BIN1: variants seen among roughly 807,000 people sequenced by gnomAD.
BIN1 encodes the protein myc box-dependent-interacting protein 1.
BIN1 carries 53 observed loss-of-function variants against 82.0 expected under a neutral mutation model. The observed-to-expected ratio is 0.65, with a 90% CI of 0.52 to 0.81. The LOEUF (loss-of-function observed/expected upper bound fraction) is 0.81. Ranked by LOEUF, BIN1 falls within the 40% of genes least tolerant of loss-of-function variation. BIN1 has a pLI of 0.00. For synonymous variants in BIN1, 302 were observed against 328.0 expected, an observed-to-expected ratio of 0.92 and a Z score of 0.86; for missense variants, 642 against 784.4, an observed-to-expected ratio of 0.82 and a Z score of 2.17.
intron 8 of BIN1, 115 bp from the exon 9 acceptor site, chr2:127,063,761 G>T: frequency 7.1e-7 from 1 of 1,406,354 alleles, no homozygotes; most frequent in Non-Finnish European, 9.9e-7. Flanking sequence ...ACCAGAGAGG[G>T]CCCAGGCACC....
At chr2:127,072,665 T>C (rs1387623837) in intron 2 of BIN1, among the ~76,000 whole-genome samples, 1 of 149,678 alleles carries the variant, frequency 6.7e-6, no homozygotes, top group Admixed American at 6.6e-5. Flanking sequence ...CCCCATAGAG[T>C]AGGGTGTATA....
At chr2:127,053,368 A>G (rs1683212520) in intron 14 of BIN1, 54 bp downstream of exon 14, 1 of 1,609,888 alleles carries the variant, frequency 6.2e-7, no homozygotes, top group Non-Finnish European at 8.5e-7. Context: ...GCCTGGACAC[A>G]TACGGAAGAG....
At chr2:127,072,193 C>G (rs1029935402) in intron 2 of BIN1, among the ~76,000 whole-genome samples, 1 of 152,246 alleles carries the variant, frequency 6.6e-6, no homozygotes, top group African/African-American at 2.4e-5. Flanking sequence ...TCAGGTCCAC[C>G]TCCAGGTGAA....
chr2:127,052,102 C>T (rs1256943596), intron 15 of BIN1, among the ~76,000 whole-genome samples, 153 bp downstream of exon 15: 1 of 152,220 alleles, frequency 6.6e-6, no homozygotes. Flanking sequence ...GGTGACAAGC[C>T]CGTGCTGGGG....
At chr2:127,054,489 C>T in intron 12 of BIN1, 1 of 174,122 alleles carries the variant, frequency 5.7e-6, no homozygotes, top group East Asian at 1.6e-4. Flanking sequence ...CCTCAGTGCT[C>T]CCGACTGGGA....
Position 127,048,268 on chromosome 2 carries a change from A to C in BIN1, c.*258T>G, listed in dbSNP as rs1416525401. ...CCTGCGGCCAGGCACACATGCGGGC[A>C]CAGGCAGGGGCGCCAGAAACTCAAC... On this transcript the variant is annotated 3_prime_UTR_variant, in exon 19 of 19. Coordinates refer to ENST00000316724, the MANE Select transcript of BIN1 (RefSeq NM_139343.3). 4 of 480,806 alleles carry C rather than the reference A, an allele frequency of 8.3e-6. No homozygotes were observed. In the East Asian group the frequency reaches 1.6e-4, roughly 19 times the overall value. 29.8% of individuals were successfully genotyped at this position (480,806 alleles called of 1,614,324 possible).
At chr2:127,072,795 G>T (rs1426246078) in intron 2 of BIN1, among the ~76,000 whole-genome samples, 2 of 152,146 alleles carry the variant, frequency 1.3e-5, no homozygotes, top group African/African-American at 4.8e-5. Flanking sequence ...TCCATCAGGG[G>T]GTCGGATGGA....
rs775119768 is a variant in BIN1, at chr2:127,048,581, T to A, written c.1727A>T (p.Glu576Val). The change falls in exon 19 of 19, where the codon GAG (glutamate) becomes GTG (valine). Residue 576 changes from glutamate (E) to valine (V), a missense_variant. Transcript: ENST00000316724. ...VKESDWNQHK[E>V]LEKCRGVFPE... ...GAAGACGCCACGGCACTTCTCCAGC[T>A]CCTTGTGCTGGTTCCAGTCGCTCTC... 14 of 1,613,740 alleles carry A rather than the reference T, an allele frequency of 8.7e-6. No individual in the cohort carries two copies. Among genetic ancestry groups the A allele is most frequent in the Non-Finnish European group, 1.1e-5 (13 of 1,180,016 alleles).
chr2:127,106,788 G>A, intron 1 of BIN1, 72 bp downstream of exon 1: 1 of 1,524,508 alleles, frequency 6.6e-7, no homozygotes, highest in Non-Finnish European at 8.8e-7. Context: ...GGGGTCGGAG[G>A]ATAGGGGGAC....
chr2:127,080,131 A>G (rs1451916013), intron 1 of BIN1, among the ~76,000 whole-genome samples: 1 of 152,226 alleles, frequency 6.6e-6, no homozygotes, highest in Admixed American at 6.5e-5. Context: ...AACGCAGGCA[A>G]GTGGCCTGGG....
At chr2:127,081,241 C>T (rs898177795) in intron 1 of BIN1, among the ~76,000 whole-genome samples, 7 of 152,218 alleles carry the variant, frequency 4.6e-5, no homozygotes, top group African/African-American at 1.4e-4. Context: ...CGTACAGCAC[C>T]CACCCACCAT....
Position 127,068,594 on chromosome 2 carries a change from G to A in BIN1, c.519+330C>T, listed in dbSNP as rs749173544. 6.6e-5 allele frequency among the ~76,000 whole-genome samples: 10 copies of A among 152,212 alleles called. No individual in the cohort carries two copies. Among genetic ancestry groups the A allele is most frequent in the Non-Finnish European group, 1.0e-4 (7 of 68,040 alleles). Reference sequence around the variant, plus strand: ...GGCTCGCTCCAGCCAGGGACAGGTCGCCTGGGATCGCGTGACGAATTCCAC... The same window carrying A: ...GGCTCGCTCCAGCCAGGGACAGGTCACCTGGGATCGCGTGACGAATTCCAC... On this transcript the variant is annotated intron_variant, in intron 6 of 18. Coordinates refer to ENST00000316724, the MANE Select transcript of BIN1 (RefSeq NM_139343.3). This position sits in a 1 kb window ranked among gnomAD's most constrained non-coding sequence, Gnocchi z 4.9.
chr2:127,053,771 G>A, intron 13 of BIN1, 134 bp downstream of exon 13: 1 of 875,398 alleles, frequency 1.1e-6, no homozygotes, highest in Non-Finnish European at 1.8e-6. Flanking sequence ...GGTGATGAGG[G>A]CTGAAGGCTG....
intron 9 of BIN1, among the ~76,000 whole-genome samples, chr2:127,062,735 T>C (rs1323585840): frequency 6.6e-6 from 1 of 152,256 alleles, no homozygotes; most frequent in Non-Finnish European, 1.5e-5. Context: ...CTGTGGCATA[T>C]ATTTTTACAG....
intron 1 of BIN1, among the ~76,000 whole-genome samples, chr2:127,099,744 C>T (rs1680061648): frequency 6.6e-6 from 1 of 151,078 alleles, no homozygotes; most frequent in South Asian, 2.1e-4. Flanking sequence ...GATCTCTTGA[C>T]CTCGTGATCC....
At position 127,050,414 on chromosome 2, in the gene BIN1, C is replaced by T. The variant is rs766215210; in HGVS notation, c.1674+7G>A. 6.2e-7 allele frequency: 1 copy of T among 1,614,008 alleles called. No homozygotes were observed. The highest frequency in any genetic ancestry group is 8.5e-7 in the Non-Finnish European group (1 of 1,179,948). Reference sequence around the variant, plus strand: ...CCTGCGCTCTGGCGGCCCCACCCAGCCCTCACCTGCTCTTCAGGGTTCTGG... The same window carrying T: ...CCTGCGCTCTGGCGGCCCCACCCAGTCCTCACCTGCTCTTCAGGGTTCTGG... On this transcript the variant is annotated splice_region_variant and intron_variant, in intron 18 of 18. Transcript: ENST00000316724.
intron 1 of BIN1, among the ~76,000 whole-genome samples, chr2:127,087,935 G>A (rs977972202): frequency 6.6e-6 from 1 of 152,144 alleles, no homozygotes; most frequent in African/African-American, 2.4e-5. Flanking sequence ...GCAAACAGAG[G>A]AGTTTCTAGA....
At chr2:127,050,115 A>G (rs1682702071) in intron 18 of BIN1, among the ~76,000 whole-genome samples, 1 of 152,170 alleles carries the variant, frequency 6.6e-6, no homozygotes. Context: ...GGAGAGACAG[A>G]GGCAGAGCTG....
At position 127,082,891 on chromosome 2, in the gene BIN1, G is replaced by T. The variant is rs1219675654; in HGVS notation, c.85-6185C>A. On this transcript the variant is annotated intron_variant, in intron 1 of 18. Coordinates refer to ENST00000316724, the MANE Select transcript of BIN1 (RefSeq NM_139343.3). This position sits in a 1 kb window ranked among gnomAD's most constrained non-coding sequence, Gnocchi z 6.1. ...AGGCCACAGCAGCCCTGACGAGAGA[G>T]CAGAGGGAGGAAAAGAGGTTCTAAG... Among the ~76,000 whole-genome samples the T allele has an allele frequency of 6.6e-6, 1 of 151,740 alleles. No homozygotes were observed. Among genetic ancestry groups the T allele is most frequent in the Non-Finnish European group, 1.5e-5 (1 of 67,966 alleles).
Sources: allele counts gnomAD v4.1 joint callset (sites outside exome capture counted in the v4.1 genomes callset), GRCh38; gene constraint gnomAD v4.1.1; non-coding constraint Gnocchi (gnomAD v3.1); transcripts MANE v1.5; gene names NCBI Gene and HGNC (gene_info 2026-07-23, HGNC 2026-07-21).